MPP1: variants seen among roughly 807,000 people sequenced by gnomAD.
MPP1 encodes MAGUK p55 scaffold protein 1.
Under a neutral mutation model 38.2 loss-of-function variants are expected in MPP1, and 6 were observed. The ratio of observed to expected loss-of-function variants is 0.16; its 90% CI spans 0.09 to 0.31. The LOEUF is 0.31. Ranked by LOEUF, MPP1 falls within the 10% of genes least tolerant of loss-of-function variation. The pLI is 1.00. For missense variants in MPP1, 293 were observed against 368.9 expected (o/e 0.79, Z 1.69); for synonymous variants, 153 against 146.3 (o/e 1.05, Z -0.33).
At chrX:154,781,844 C>T (rs782466582) in intron 9 of MPP1, 42 bp from the exon 10 acceptor site, 17 of 1,158,459 alleles carry the variant, frequency 1.5e-5, no homozygotes, top group Non-Finnish European at 2.0e-5. Flanking sequence ...TCCAGGTCCT[C>T]ACCCTTTCAT....
chrX:154,786,070 C>G (rs2072068812), intron 6 of MPP1, 134 bp downstream of exon 6: 6 of 627,991 alleles, frequency 9.6e-6, no homozygotes, highest in Non-Finnish European at 1.4e-5. Context: ...AACCCTCCCC[C>G]ACCCATTATG....
In MPP1 at chrX:154,801,785, AAC is replaced by A. The variant is rs1195240008; in HGVS notation, c.102+3485_102+3486del. Reference sequence around the variant, plus strand: ...AAAAAAAAAAAAAAAAAAAAAAAAAAACAAAAAACAGAAAAAAGTCATGAAGT... The same window carrying A: ...AAAAAAAAAAAAAAAAAAAAAAAAAAAAAAAACAGAAAAAAGTCATGAAGT... On this transcript the variant is annotated intron_variant, in intron 1 of 11. Transcript: ENST00000369534. Among the ~76,000 whole-genome samples the A allele has an allele frequency of 9.6e-3, 701 of 72,767 alleles. 45 individuals are homozygous for A. The highest frequency in any genetic ancestry group is 0.042 in the African/African-American group (612 of 14,658). 63.2% of individuals were successfully genotyped at this position (72,767 alleles called of 115,157 possible). A position where few individuals can be genotyped will look rare whatever the true frequency, so the allele number is the denominator to read the frequency against.
intron 7 of MPP1, 47 bp downstream of exon 7, chrX:154,785,004 C>T (rs782512310): frequency 5.3e-6 from 6 of 1,130,110 alleles, no homozygotes; most frequent in Admixed American, 4.4e-5. Context: ...CTGGGAAACA[C>T]GTGAATGCTG....
intron 1 of MPP1, among the ~76,000 whole-genome samples, chrX:154,801,181 A>T (rs1216766087): frequency 1.8e-5 from 2 of 112,430 alleles, no homozygotes; most frequent in Non-Finnish European, 3.8e-5. Context: ...GTCTCAGGAC[A>T]TTATTGATTG....
At chrX:154,781,438 T>A (rs1380140202) in intron 10 of MPP1, 125 bp from the exon 11 acceptor site, 2 of 784,795 alleles carry the variant, frequency 2.5e-6, no homozygotes, top group Non-Finnish European at 3.8e-6. Context: ...TTTACCCCAA[T>A]ACAACTTTCC....
At chrX:154,803,201 C>T (rs369941026) in intron 1 of MPP1, among the ~76,000 whole-genome samples, 2 of 112,451 alleles carry the variant, frequency 1.8e-5, no homozygotes, top group East Asian at 5.5e-4. Context: ...CTGGTAAGAG[C>T]CCCAAAGGGA....
chrX:154,791,597 T>C (rs782698979), intron 3 of MPP1, 172 bp downstream of exon 3: 242 of 414,955 alleles, frequency 5.8e-4, no homozygotes, highest in Non-Finnish European at 9.0e-4. Context: ...CATAGAGATC[T>C]TATCATGTAC....
Position 154,792,102 on chromosome X carries a change from C to CAG in MPP1, c.246+38_246+39dup, listed in dbSNP as rs1310171915. 5.0e-6 allele frequency: 6 copies of CAG among 1,196,172 alleles called. No homozygotes were observed. In the African/African-American group the frequency reaches 1.1e-4, roughly 21 times the overall value. On this transcript the variant is annotated intron_variant, in intron 2 of 11. Transcript: ENST00000369534. ...TCTTCTGGCCCAGTGACTCATGGGGCAGAGAGTAACTGGTGGGCGACAATA... is the reference window on the plus strand; with the variant it reads ...TCTTCTGGCCCAGTGACTCATGGGGCAGAGAGAGTAACTGGTGGGCGACAATA...
chrX:154,786,093 G>T, intron 6 of MPP1, 111 bp downstream of exon 6: 7 of 697,829 alleles, frequency 1.0e-5, no homozygotes, highest in Non-Finnish European at 1.5e-5. Flanking sequence ...AGGAAATCTA[G>T]GAGGTCTCCT....
At chrX:154,800,380 T>A (rs1473998174) in intron 1 of MPP1, among the ~76,000 whole-genome samples, 1 of 111,859 alleles carries the variant, frequency 8.9e-6, no homozygotes, top group Admixed American at 9.4e-5. Flanking sequence ...AGGTACTAAA[T>A]CCATCTGGGA....
chrX:154,804,339 G>T (rs1189496096), intron 1 of MPP1, among the ~76,000 whole-genome samples: 1 of 112,034 alleles, frequency 8.9e-6, no homozygotes, highest in African/African-American at 3.2e-5. Flanking sequence ...GGCACTTAAA[G>T]AAGTGAGTAT....
At chrX:154,790,140 G>C in intron 4 of MPP1, 118 bp from the exon 5 acceptor site, 1 of 455,314 alleles carries the variant, frequency 2.2e-6, no homozygotes. Flanking sequence ...AGATTTTGTA[G>C]GACAATTCCT....
chrX:154,781,369 GAAA>G (rs57003686), intron 10 of MPP1, 56 bp from the exon 11 acceptor site: 16 of 724,150 alleles, frequency 2.2e-5, no homozygotes, highest in South Asian at 2.8e-5. Flanking sequence ...AAAGGAAAGT[GAAA>G]AAAAAAAACC....
chrX:154,803,509 G>C (rs1340614310), intron 1 of MPP1, among the ~76,000 whole-genome samples: 1 of 112,182 alleles, frequency 8.9e-6, no homozygotes, highest in African/African-American at 3.2e-5. Flanking sequence ...TTTTCAAAAA[G>C]GCACAGTCTT....
In MPP1 at chrX:154,786,350, G is replaced by A. The variant is rs782561793; in HGVS notation, c.531C>T (p.Ile177=). 24 of 1,209,698 alleles carry A rather than the reference G, an allele frequency of 2.0e-5. No homozygotes were observed. The highest frequency in any genetic ancestry group is 4.6e-4 in the Middle Eastern group (2 of 4,374). ...FDYDPKKDNL[I]PCKEAGLKFA... ...ACTTCAGTCCCGCCTCCTTGCAAGGGATCAGATTGTCCTTTTTGGGATCAT... is the reference window on the plus strand; with the variant it reads ...ACTTCAGTCCCGCCTCCTTGCAAGGAATCAGATTGTCCTTTTTGGGATCAT... Residue 177 remains isoleucine (I), a synonymous_variant, in exon 6 of 12, where the codon ATC becomes ATT. Coordinates refer to ENST00000369534, the MANE Select transcript of MPP1 (RefSeq NM_002436.4).
chrX:154,794,535 G>C (rs1247584894), intron 1 of MPP1, among the ~76,000 whole-genome samples: 1 of 111,770 alleles, frequency 8.9e-6, no homozygotes, highest in African/African-American at 3.3e-5. Context: ...GAAAATAGGG[G>C]ATAGCTGCAT....
At chrX:154,790,479 C>T (rs782487890) in intron 4 of MPP1, among the ~76,000 whole-genome samples, 8 of 104,560 alleles carry the variant, frequency 7.7e-5, no homozygotes, top group Admixed American at 1.0e-4. Flanking sequence ...TGCAGTGAGC[C>T]GAGATCACGC....
intron 1 of MPP1, chrX:154,799,985 A>G: frequency 7.1e-6 from 5 of 704,866 alleles, no homozygotes; most frequent in Non-Finnish European, 1.0e-5. Context: ...TTGGCTTTCT[A>G]ATCCAAACAA....
intron 6 of MPP1, among the ~76,000 whole-genome samples, 177 bp downstream of exon 6, chrX:154,786,027 T>C (rs2072068038): frequency 8.9e-6 from 1 of 112,086 alleles, no homozygotes; most frequent in African/African-American, 3.2e-5. Flanking sequence ...TTGCCTGTGG[T>C]TGCCTCTCAG....
Sources: allele counts gnomAD v4.1 joint callset (sites outside exome capture counted in the v4.1 genomes callset), GRCh38; gene constraint gnomAD v4.1.1; transcripts MANE v1.5; gene names NCBI Gene and HGNC (gene_info 2026-07-23, HGNC 2026-07-21).